Variants in RNF180 observed in about 807,000 individuals in gnomAD.
RNF180 encodes the protein E3 ubiquitin-protein ligase RNF180.
A neutral mutation model predicts 59.2 loss-of-function variants in RNF180; 38 were observed. That is an observed-to-expected ratio of 0.64 (90% CI 0.50 to 0.84). RNF180 has a LOEUF of 0.84. Among genes scored for constraint, RNF180 ranks in the 40% least tolerant of loss-of-function variants. RNF180 has a pLI of 0.00. For synonymous variants in RNF180, 262 were observed against 240.3 expected, an observed-to-expected ratio of 1.09 and a Z score of -0.84; for missense variants, 705 against 700.9, an observed-to-expected ratio of 1.01 and a Z score of -0.07.
rs10590669 is a variant in RNF180 at position 64,201,030 on chromosome 5, CTTA to C, written c.135+92_135+94del. 14,021 of 966,784 alleles carry C rather than the reference CTTA, an allele frequency of 0.015. 962 individuals carry two copies. In the African/African-American group the frequency reaches 0.16, roughly 11 times the overall value. The allele number at this position is 966,784 out of a possible 1,614,324, so 59.9% of individuals were successfully genotyped here. A position where few individuals can be genotyped will look rare whatever the true frequency, so the allele number is the denominator to read the frequency against. On this transcript the variant is annotated intron_variant, in intron 2 of 7. Transcript: ENST00000389100. ...CACATGCACACTTATTCTTCTCTAC[CTTA>C]TTAAGAATATTTATAGTTCTTTGTC...
chr5:64,260,154 A>G (rs796452151), intron 5 of RNF180, among the ~76,000 whole-genome samples: 9 of 152,352 alleles, frequency 5.9e-5, no homozygotes, highest in African/African-American at 2.2e-4. Context: ...ATATTTATGC[A>G]TATAGATATT....
intron 5 of RNF180, among the ~76,000 whole-genome samples, chr5:64,218,382 T>G (rs1380163133): frequency 1.3e-5 from 2 of 152,224 alleles, no homozygotes; most frequent in Non-Finnish European, 2.9e-5. Flanking sequence ...AACAATGTCC[T>G]TCCTTCATTG....
chr5:64,312,568 T>G (rs745824843), intron 5 of RNF180, among the ~76,000 whole-genome samples: 1 of 152,030 alleles, frequency 6.6e-6, no homozygotes, highest in Non-Finnish European at 1.5e-5. Context: ...ACTGTGTTGG[T>G]GGGGTTCATT....
chr5:64,312,768 T>C (rs1347727867), intron 5 of RNF180, among the ~76,000 whole-genome samples: 1 of 152,082 alleles, frequency 6.6e-6, no homozygotes, highest in East Asian at 1.9e-4. Context: ...CGTGGTTGCA[T>C]GTGTGTAGGT....
intron 5 of RNF180, among the ~76,000 whole-genome samples, chr5:64,251,367 TGAAAG>T (rs1417231010): frequency 1.3e-5 from 2 of 152,304 alleles, no homozygotes; most frequent in Non-Finnish European, 2.9e-5. Context: ...GAAAAAGAAA[TGAAAG>T]GAATTCAAAT....
intron 5 of RNF180, among the ~76,000 whole-genome samples, chr5:64,230,121 A>C (rs1742012704): frequency 6.6e-6 from 1 of 152,242 alleles, no homozygotes; most frequent in Admixed American, 6.5e-5. Flanking sequence ...TAGGAAATAC[A>C]AATGAGGCAA....
At chr5:64,260,811 A>G (rs138417317) in intron 5 of RNF180, among the ~76,000 whole-genome samples, 160 of 152,304 alleles carry the variant, frequency 1.1e-3, no homozygotes, top group African/African-American at 3.7e-3. Context: ...TCCCTGTCTT[A>G]AAAGACTGTG....
chr5:64,248,804 A>G (rs192178195), intron 5 of RNF180, among the ~76,000 whole-genome samples: 11 of 152,288 alleles, frequency 7.2e-5, no homozygotes, highest in Non-Finnish European at 1.0e-4. Context: ...ACATGCACAC[A>G]TATGTTTATT....
intron 1 of RNF180, among the ~76,000 whole-genome samples, chr5:64,199,010 G>GT (rs1427398500): frequency 6.6e-6 from 1 of 152,130 alleles, no homozygotes; most frequent in Non-Finnish European, 1.5e-5. Context: ...TAGAGACAGA[G>GT]TTTCACCATG....
intron 5 of RNF180, among the ~76,000 whole-genome samples, chr5:64,259,789 T>C (rs1197209689): frequency 6.6e-6 from 1 of 151,820 alleles, no homozygotes. Flanking sequence ...GGCGTGGTGG[T>C]GCATGCCTAT....
At chr5:64,264,939 A>G (rs1053214951) in intron 5 of RNF180, among the ~76,000 whole-genome samples, 3 of 152,200 alleles carry the variant, frequency 2.0e-5, no homozygotes, top group Admixed American at 1.3e-4. Context: ...TTGAGATGGT[A>G]TCTCATTGTG....
intron 5 of RNF180, among the ~76,000 whole-genome samples, chr5:64,318,002 G>A (rs111675659): frequency 3.5e-4 from 53 of 152,218 alleles, no homozygotes; most frequent in Non-Finnish European, 6.9e-4. Flanking sequence ...TGCACTGAAA[G>A]TAAAAAACAG....
chr5:64,207,823 A>G (rs924440240), intron 2 of RNF180, among the ~76,000 whole-genome samples: 1 of 152,138 alleles, frequency 6.6e-6, no homozygotes, highest in Non-Finnish European at 1.5e-5. Flanking sequence ...GACACTTTAG[A>G]CAATTAATAA....
At chr5:64,217,604 C>A in intron 5 of RNF180, 1 of 712,764 alleles carries the variant, frequency 1.4e-6, no homozygotes, top group Non-Finnish European at 1.9e-6. Context: ...CTTAAGGATG[C>A]TGAACATATG....
intron 1 of RNF180, among the ~76,000 whole-genome samples, chr5:64,189,497 A>C (rs545402510): frequency 6.6e-6 from 1 of 152,174 alleles, no homozygotes; most frequent in South Asian, 2.1e-4. Flanking sequence ...GAAAAGAAAA[A>C]CCTTGGCTGA....
chr5:64,195,331 A>G (rs536234517), intron 1 of RNF180, among the ~76,000 whole-genome samples: 10 of 152,338 alleles, frequency 6.6e-5, no homozygotes, highest in African/African-American at 2.4e-4. Context: ...GGAAAGTTTT[A>G]TATACCAAGT....
intron 3 of RNF180, 91 bp from the exon 4 acceptor site, chr5:64,213,467 C>A (rs1436570950): frequency 2.5e-6 from 3 of 1,214,452 alleles, no homozygotes; most frequent in Non-Finnish European, 3.5e-6. Context: ...GCATAGAAAA[C>A]TTTCATGTGG....
intron 5 of RNF180, among the ~76,000 whole-genome samples, chr5:64,257,634 T>A (rs2112303690): frequency 6.6e-6 from 1 of 152,318 alleles, no homozygotes; most frequent in African/African-American, 2.4e-5. Flanking sequence ...TTTGCATCAA[T>A]CTTCATCAGG....
intron 5 of RNF180, among the ~76,000 whole-genome samples, chr5:64,269,243 CT>C: frequency 6.6e-6 from 1 of 152,220 alleles, no homozygotes; most frequent in South Asian, 2.1e-4. Context: ...TCACACCTCT[CT>C]TATTTTGAGA....
Sources: allele counts gnomAD v4.1 joint callset (sites outside exome capture counted in the v4.1 genomes callset), GRCh38; gene constraint gnomAD v4.1.1; transcripts MANE v1.5; gene names NCBI Gene and HGNC (gene_info 2026-07-23, HGNC 2026-07-21).